The following DCC variants were observed in gnomAD, a reference collection of about 807,000 sequenced individuals.
The protein encoded by DCC is DCC netrin 1 receptor.
Under a neutral mutation model 172.5 loss-of-function variants are expected in DCC, and 58 were observed. That is an observed-to-expected ratio of 0.34 (90% CI 0.27 to 0.42). DCC has a LOEUF of 0.42. Among genes scored for constraint, DCC ranks in the 10% least tolerant of loss-of-function variants. The pLI, the probability that DCC is intolerant of heterozygous loss-of-function variation, is 1.00. For synonymous variants in DCC, 709 were observed against 644.5 expected (o/e 1.10, Z -1.52); for missense variants, 1,740 against 1,791.0 (o/e 0.97, Z 0.51).
At chr18:52,519,581 G>A (rs776405616) in intron 1 of DCC, among the ~76,000 whole-genome samples, 33 of 152,120 alleles carry the variant, frequency 2.2e-4, no homozygotes, top group Non-Finnish European at 3.5e-4. Flanking sequence ...GAGAGGAACA[G>A]GTAAAGCAAA....
chr18:52,684,676 A>C (rs1420252185), intron 1 of DCC, among the ~76,000 whole-genome samples: 1 of 152,052 alleles, frequency 6.6e-6, no homozygotes, highest in Non-Finnish European at 1.5e-5. Flanking sequence ...GGTGGAAGCT[A>C]GGGATGAAGG....
At chr18:53,521,269 C>T (rs2046396036) in intron 27 of DCC, among the ~76,000 whole-genome samples, 1 of 152,066 alleles carries the variant, frequency 6.6e-6, no homozygotes, top group South Asian at 2.1e-4. Flanking sequence ...GTTGCCTGGG[C>T]ACTAGAGAAA....
At chr18:53,434,999 G>T in intron 21 of DCC, 145 bp from the exon 22 acceptor site, 1 of 706,982 alleles carries the variant, frequency 1.4e-6, no homozygotes, top group Non-Finnish European at 2.6e-6. Context: ...TTTCTTATAG[G>T]TGTAAGGGTA....
intron 7 of DCC, among the ~76,000 whole-genome samples, chr18:53,098,081 T>C (rs1391863348): frequency 6.6e-6 from 1 of 152,148 alleles, no homozygotes; most frequent in Non-Finnish European, 1.5e-5. Flanking sequence ...ACAGAGTACA[T>C]TGTCTAAATT....
chr18:53,097,967 A>G (rs1274871843), intron 7 of DCC, among the ~76,000 whole-genome samples: 2 of 152,062 alleles, frequency 1.3e-5, no homozygotes, highest in African/African-American at 4.8e-5. Flanking sequence ...TAGAGCTTCA[A>G]CGTATCAATT....
intron 1 of DCC, among the ~76,000 whole-genome samples, chr18:52,699,838 G>A (rs1248115921): frequency 6.6e-6 from 1 of 151,794 alleles, no homozygotes; most frequent in African/African-American, 2.4e-5. Context: ...GTTTTCCTTG[G>A]CAACAATTTT....
chr18:53,255,852 C>A (rs2056504223), intron 12 of DCC, among the ~76,000 whole-genome samples: 1 of 152,168 alleles, frequency 6.6e-6, no homozygotes, highest in Non-Finnish European at 1.5e-5. Flanking sequence ...GTTCCTATTT[C>A]TCCACATCCT....
intron 7 of DCC, among the ~76,000 whole-genome samples, chr18:53,098,816 C>T (rs1599132375): frequency 6.6e-6 from 1 of 152,032 alleles, no homozygotes; most frequent in Non-Finnish European, 1.5e-5. Flanking sequence ...AGACCAGCCT[C>T]AGTCACATAC....
chr18:52,791,815 T>C (rs564529524), intron 2 of DCC, among the ~76,000 whole-genome samples: 1 of 152,282 alleles, frequency 6.6e-6, no homozygotes, highest in South Asian at 2.1e-4. Flanking sequence ...ATGGTTCCAG[T>C]TAACTTCCAA....
At position 52,449,858 on chromosome 18, in the gene DCC, T is replaced by A. The variant is rs140068092; in HGVS notation, c.91+108980T>A. Among the ~76,000 whole-genome samples, 1,165 of 152,270 alleles carry A rather than the reference T, an allele frequency of 7.7e-3. 5 individuals carry two copies. The highest frequency in any genetic ancestry group is 0.031 in the Middle Eastern group (9 of 294). On this transcript the variant is annotated intron_variant, in intron 1 of 28. Transcript: ENST00000442544. ...CTCTTACCTGCCACCATGTAAGACATCCCTTTGCTCTTCCTTCATCTTCTG... is the reference window on the plus strand; with the variant it reads ...CTCTTACCTGCCACCATGTAAGACAACCCTTTGCTCTTCCTTCATCTTCTG...
intron 7 of DCC, among the ~76,000 whole-genome samples, chr18:53,086,011 T>TTATTATTATTATTATTATTATTATTATA (rs2042878954): frequency 4.6e-5 from 1 of 21,896 alleles, no homozygotes; most frequent in South Asian, 1.0e-3. Flanking sequence ...CTTCTCCTTC[T>TTATTATTATTATTATTATTATTATTATA]CCTTCTCCCT....
intron 7 of DCC, among the ~76,000 whole-genome samples, chr18:53,143,798 T>C (rs2043866159): frequency 6.6e-6 from 1 of 152,238 alleles, no homozygotes; most frequent in Admixed American, 6.5e-5. Flanking sequence ...TCTGTCAAAA[T>C]ATTTACTTAT....
chr18:52,376,068 T>A (rs2144311304), intron 1 of DCC, among the ~76,000 whole-genome samples: 1 of 152,298 alleles, frequency 6.6e-6, no homozygotes, highest in South Asian at 2.1e-4. Context: ...TTGGGGAAAG[T>A]TCTCTTTCTT....
intron 1 of DCC, among the ~76,000 whole-genome samples, chr18:52,448,688 G>A (rs72920797): frequency 1.1e-3 from 174 of 152,226 alleles, no homozygotes; most frequent in Non-Finnish European, 2.1e-3. Flanking sequence ...GATCAGTCTG[G>A]TAACAGTAGA....
At chr18:52,669,804 G>A (rs1158956557) in intron 1 of DCC, among the ~76,000 whole-genome samples, 4 of 152,170 alleles carry the variant, frequency 2.6e-5, no homozygotes, top group South Asian at 4.2e-4. Flanking sequence ...ATAAGAAATA[G>A]CAATGACATT....
intron 15 of DCC, among the ~76,000 whole-genome samples, chr18:53,382,697 T>G (rs1350355371): frequency 1.3e-5 from 2 of 152,124 alleles, no homozygotes; most frequent in Admixed American, 6.5e-5. Flanking sequence ...GATTACTTTC[T>G]TATTAGGAAA....
intron 1 of DCC, among the ~76,000 whole-genome samples, chr18:52,450,649 A>G (rs1988273421): frequency 6.6e-6 from 1 of 152,204 alleles, no homozygotes; most frequent in South Asian, 2.1e-4. Flanking sequence ...TTTGGAGTAT[A>G]ATACAAGCCT....
intron 10 of DCC, 55 bp from the exon 11 acceptor site, chr18:53,207,624 C>T (rs2055673718): frequency 2.0e-6 from 3 of 1,515,546 alleles, no homozygotes; most frequent in Non-Finnish European, 2.7e-6. Context: ...GAATGAGTGC[C>T]ATTTCTACTT....
At chr18:53,472,887 TA>T in intron 25 of DCC, among the ~76,000 whole-genome samples, 1 of 152,334 alleles carries the variant, frequency 6.6e-6, no homozygotes, top group Middle Eastern at 3.4e-3. Context: ...GTTTTTAGCA[TA>T]TCATATTGGA....
Sources: gnomAD v4.1 joint callset for allele counts (sites outside exome capture counted in the v4.1 genomes callset) on GRCh38, gnomAD v4.1.1 for gene constraint, MANE v1.5 for transcripts, NCBI Gene and HGNC (gene_info 2026-07-23, HGNC 2026-07-21) for gene names.